The following DCC variants were observed in gnomAD, a reference collection of about 807,000 sequenced individuals.
DCC encodes the protein DCC netrin 1 receptor.
In DCC, 58 loss-of-function variants were observed where a neutral mutation model predicts 172.5. That is an observed-to-expected ratio of 0.34 (90% CI 0.27 to 0.42). The LOEUF (loss-of-function observed/expected upper bound fraction) is 0.42, where lower values mean the gene tolerates loss of function less well. DCC is among the 10% of genes least tolerant of loss of function. DCC has a pLI of 1.00. For synonymous variants in DCC, 709 were observed against 644.5 expected (o/e 1.10, Z -1.52); for missense variants, 1,740 against 1,791.0 (o/e 0.97, Z 0.51).
chr18:52,883,619 T>C (rs2039526852), intron 2 of DCC, among the ~76,000 whole-genome samples: 1 of 152,058 alleles, frequency 6.6e-6, no homozygotes, highest in Admixed American at 6.6e-5. Context: ...CTCCTTGCTT[T>C]TTAATTTTTT....
At chr18:53,526,833 A>C in intron 28 of DCC, 74 bp downstream of exon 28, 3 of 1,411,340 alleles carry the variant, frequency 2.1e-6, no homozygotes, top group Non-Finnish European at 2.0e-6. Context: ...ATCTAAACCA[A>C]TGAGTACTGT....
chr18:52,530,634 A>G (rs973365587), intron 1 of DCC, among the ~76,000 whole-genome samples: 1 of 152,240 alleles, frequency 6.6e-6, no homozygotes, highest in Admixed American at 6.5e-5. Context: ...TACTTCAAGA[A>G]TTAAAAATAT....
chr18:52,937,920 CTT>C (rs2145516008), intron 5 of DCC, among the ~76,000 whole-genome samples: 1 of 152,190 alleles, frequency 6.6e-6, no homozygotes, highest in Non-Finnish European at 1.5e-5. Flanking sequence ...GGACTCTAAA[CTT>C]TGTACAGTGA....
intron 5 of DCC, among the ~76,000 whole-genome samples, chr18:52,942,762 A>G (rs2040484238): frequency 6.6e-6 from 1 of 152,216 alleles, no homozygotes; most frequent in Non-Finnish European, 1.5e-5. Flanking sequence ...ATGGAAGTAC[A>G]ATTCAACATG....
chr18:53,420,501 G>C (rs959764411), intron 21 of DCC, among the ~76,000 whole-genome samples: 1 of 152,120 alleles, frequency 6.6e-6, no homozygotes, highest in African/African-American at 2.4e-5. Context: ...ACAACAGAAA[G>C]TTATATTCTC....
At chr18:53,238,649 T>C (rs1429108468) in intron 12 of DCC, among the ~76,000 whole-genome samples, 2 of 151,970 alleles carry the variant, frequency 1.3e-5, no homozygotes, top group African/African-American at 4.8e-5. Context: ...ACACTGAAAA[T>C]GTAAAGATAT....
At chr18:52,923,560 T>TA in intron 3 of DCC, 147 bp from the exon 4 acceptor site, 2 of 689,594 alleles carry the variant, frequency 2.9e-6, no homozygotes, top group Non-Finnish European at 5.1e-6. Flanking sequence ...ACACTTGGGA[T>TA]GAAAAAAACT....
chr18:52,880,097 G>A (rs1017316902), intron 2 of DCC, among the ~76,000 whole-genome samples: 17 of 151,560 alleles, frequency 1.1e-4, no homozygotes, highest in African/African-American at 3.4e-4. Flanking sequence ...TAGTCACTCC[G>A]TTGTGCTATC....
intron 1 of DCC, among the ~76,000 whole-genome samples, chr18:52,368,649 G>C (rs1984982949): frequency 6.6e-6 from 1 of 152,132 alleles, no homozygotes; most frequent in Admixed American, 6.5e-5. Flanking sequence ...TGGATATAGT[G>C]ACTGGGTTCT....
intron 2 of DCC, among the ~76,000 whole-genome samples, chr18:52,831,191 T>A (rs2038607895): frequency 1.3e-5 from 2 of 152,132 alleles, no homozygotes; most frequent in Non-Finnish European, 2.9e-5. Flanking sequence ...ATGACGGTCA[T>A]TTTCAAAGCA....
intron 1 of DCC, among the ~76,000 whole-genome samples, chr18:52,635,327 C>G (rs1024552411): frequency 6.6e-6 from 1 of 152,168 alleles, no homozygotes; most frequent in African/African-American, 2.4e-5. Context: ...AAATGAACAA[C>G]CTTTGCCCTA....
At chr18:53,515,789 G>A (rs1032444998) in intron 27 of DCC, among the ~76,000 whole-genome samples, 4 of 151,800 alleles carry the variant, frequency 2.6e-5, no homozygotes, top group Admixed American at 1.3e-4. Context: ...ACTGCTCAAG[G>A]AAATAAAAGA....
At chr18:52,872,280 T>G (rs1363639907) in intron 2 of DCC, among the ~76,000 whole-genome samples, 2 of 152,126 alleles carry the variant, frequency 1.3e-5, no homozygotes, top group African/African-American at 2.4e-5. Flanking sequence ...TGGGTGGTCT[T>G]ATTATTTAGA....
At chr18:52,925,119 C>A in intron 4 of DCC, 115 bp from the exon 5 acceptor site, 2 of 1,035,506 alleles carry the variant, frequency 1.9e-6, no homozygotes, top group Non-Finnish European at 3.0e-6. Context: ...TTATGATACA[C>A]AGTTTCTTTC....
intron 5 of DCC, among the ~76,000 whole-genome samples, chr18:53,060,081 G>A (rs2042471973): frequency 6.6e-6 from 1 of 151,508 alleles, no homozygotes; most frequent in Non-Finnish European, 1.5e-5. Context: ...GCGGCTCACT[G>A]CAAACTCTAC....
chr18:53,317,241 T>G (rs919819075), intron 13 of DCC, among the ~76,000 whole-genome samples: 5 of 152,210 alleles, frequency 3.3e-5, no homozygotes, highest in Non-Finnish European at 7.3e-5. Flanking sequence ...TCTCAAAATA[T>G]TGAGATAATC....
intron 15 of DCC, among the ~76,000 whole-genome samples, chr18:53,371,726 A>T (rs1383756951): frequency 1.3e-5 from 2 of 152,046 alleles, no homozygotes; most frequent in Non-Finnish European, 2.9e-5. Flanking sequence ...TAGTTGTTTT[A>T]AAATATTATA....
intron 1 of DCC, among the ~76,000 whole-genome samples, chr18:52,666,702 A>T (rs565717851): frequency 3.7e-4 from 56 of 152,362 alleles, no homozygotes; most frequent in Admixed American, 1.0e-3. Flanking sequence ...TGGAAAGCAC[A>T]GAATCAATTT....
rs1484538520 is a variant in DCC at position 52,392,604 on chromosome 18, T to C, written c.91+51726T>C. Among the ~76,000 whole-genome samples, 3 of 152,112 alleles carry C rather than the reference T, an allele frequency of 2.0e-5. No homozygotes were observed. The South Asian group carries it at 6.2e-4, about 32-fold the overall frequency. On this transcript the variant is annotated intron_variant, in intron 1 of 28. Coordinates refer to ENST00000442544, the MANE Select transcript of DCC (RefSeq NM_005215.4). ...AAGGCACTATCATTCCTCACTAATA[T>C]CAGGGGCTTAAGAATGTGTGTGTGT...
Sources: gnomAD v4.1 joint callset for allele counts (sites outside exome capture counted in the v4.1 genomes callset) on GRCh38, gnomAD v4.1.1 for gene constraint, MANE v1.5 for transcripts, NCBI Gene and HGNC (gene_info 2026-07-23, HGNC 2026-07-21) for gene names.